Variants in STK33 observed in about 807,000 individuals in gnomAD.
STK33 encodes serine/threonine-protein kinase 33.
A neutral mutation model predicts 58.0 loss-of-function variants in STK33; 52 were observed. That is an observed-to-expected ratio of 0.90 (90% CI 0.72 to 1.13). The LOEUF is 1.13. STK33 is among the 50% of genes most tolerant of loss of function. STK33 has a pLI of 0.00. For synonymous variants in STK33, 215 were observed against 200.1 expected, an observed-to-expected ratio of 1.07 and a Z score of -0.63; for missense variants, 630 against 604.2, an observed-to-expected ratio of 1.04 and a Z score of -0.45.
At chr11:8,449,299 T>C (rs1215977797) in intron 11 of STK33, among the ~76,000 whole-genome samples, 1 of 151,514 alleles carries the variant, frequency 6.6e-6, no homozygotes, top group Non-Finnish European at 1.5e-5. Flanking sequence ...ACTCAAAGGA[T>C]TATAAATCAT....
At chr11:8,440,480 A>C (rs1944598652) in intron 12 of STK33, among the ~76,000 whole-genome samples, 198 bp downstream of exon 12, 1 of 152,250 alleles carries the variant, frequency 6.6e-6, no homozygotes, top group Non-Finnish European at 1.5e-5. Flanking sequence ...GCTGAAAGTT[A>C]TAAATTTACA....
Position 8,457,366 on chromosome 11 carries a change from T to C in STK33, c.672A>G (p.Ser224=), listed in dbSNP as rs760768637. The change falls in exon 9 of 16, where the codon TCA becomes TCG. Residue 224 remains serine (S), a synonymous_variant. Transcript: ENST00000687296. ...ETRWIIQSLA[S]AIAYLHNNDI... ...CATTATTGTGAAGATATGCTATAGC[T>C]GATGCGAGACTTTGAATGATCCACC... 1 of 1,604,510 alleles carries C rather than the reference T, an allele frequency of 6.2e-7. No individual in the cohort carries two copies. The highest frequency in any genetic ancestry group is 8.5e-7 in the Non-Finnish European group (1 of 1,173,192).
At chr11:8,424,383 T>C (rs1256656420) in intron 14 of STK33, among the ~76,000 whole-genome samples, 2 of 149,970 alleles carry the variant, frequency 1.3e-5, no homozygotes, top group Non-Finnish European at 3.0e-5. Context: ...TAATCCAGTC[T>C]ATCATTGTTG....
intron 1 of STK33, among the ~76,000 whole-genome samples, chr11:8,554,605 A>G (rs1173240884): frequency 2.0e-5 from 3 of 152,166 alleles, no homozygotes; most frequent in Non-Finnish European, 2.9e-5. Flanking sequence ...AAGATGAAAG[A>G]TAAGTGTTAG....
the STK33 span, among the ~76,000 whole-genome samples, chr11:8,380,211 T>G: frequency 6.6e-6 from 1 of 152,276 alleles, no homozygotes; most frequent in Non-Finnish European, 1.5e-5. Flanking sequence ...CCACACTGTT[T>G]TCCACAATGG....
At chr11:8,383,716 A>T in the STK33 span, among the ~76,000 whole-genome samples, 3 of 152,166 alleles carry the variant, frequency 2.0e-5, no homozygotes, top group Non-Finnish European at 4.4e-5. Flanking sequence ...ATGGCATTTC[A>T]TGTCATTCCA....
intron 14 of STK33, among the ~76,000 whole-genome samples, chr11:8,416,269 T>G (rs1188877818): frequency 6.6e-6 from 1 of 152,150 alleles, no homozygotes; most frequent in Non-Finnish European, 1.5e-5. Flanking sequence ...TGCCAAGGCA[T>G]AAAAAAGATG....
At chr11:8,424,761 G>A (rs1055618247) in intron 14 of STK33, among the ~76,000 whole-genome samples, 10 of 142,362 alleles carry the variant, frequency 7.0e-5, no homozygotes, top group African/African-American at 2.2e-4. Context: ...ATTTTTTCAC[G>A]TGTCTTTTGG....
intron 6 of STK33, among the ~76,000 whole-genome samples, chr11:8,472,274 G>C (rs1948850869): frequency 6.6e-6 from 1 of 152,218 alleles, no homozygotes; most frequent in African/African-American, 2.4e-5. Context: ...GTGTGTGTCA[G>C]AGTTTTTCAG....
chr11:8,564,807 A>G (rs996741846), intron 1 of STK33, among the ~76,000 whole-genome samples: 1 of 152,240 alleles, frequency 6.6e-6, no homozygotes, highest in Non-Finnish European at 1.5e-5. Context: ...AAAGTCCCAG[A>G]TTACAGGGGA....
At chr11:8,585,159 G>A (rs915293407) in intron 1 of STK33, among the ~76,000 whole-genome samples, 3 of 151,072 alleles carry the variant, frequency 2.0e-5, no homozygotes, top group Non-Finnish European at 2.9e-5. Context: ...CTGACTTCAG[G>A]TGATCCACCT....
chr11:8,448,412 AT>A (rs1334407993), intron 11 of STK33, among the ~76,000 whole-genome samples: 1 of 152,250 alleles, frequency 6.6e-6, no homozygotes, highest in African/African-American at 2.4e-5. Context: ...CCAAAACAGC[AT>A]GGTACTGGTC....
chr11:8,543,319 CATT>C (rs1012791576), intron 1 of STK33, among the ~76,000 whole-genome samples: 2 of 152,160 alleles, frequency 1.3e-5, no homozygotes, highest in African/African-American at 4.8e-5. Context: ...GGAATTAAAA[CATT>C]ATTATTTTAT....
At chr11:8,475,180 G>A (rs147651096) in intron 4 of STK33, 114 bp from the exon 5 acceptor site, 11 of 296,954 alleles carry the variant, frequency 3.7e-5, no homozygotes, top group South Asian at 1.5e-4. Context: ...ACATGAAAAG[G>A]ACAAAATAGG....
the STK33 span, among the ~76,000 whole-genome samples, chr11:8,382,667 G>C: frequency 6.6e-6 from 1 of 152,200 alleles, no homozygotes; most frequent in Non-Finnish European, 1.5e-5. Flanking sequence ...GACAGGTCCT[G>C]TGTGAGGTTG....
chr11:8,584,679 C>G (rs2031156902), intron 1 of STK33, among the ~76,000 whole-genome samples: 1 of 152,264 alleles, frequency 6.6e-6, no homozygotes, highest in African/African-American at 2.4e-5. Context: ...TCTCTCTCTA[C>G]TAGGTCTCAG....
the STK33 span, among the ~76,000 whole-genome samples, chr11:8,354,897 G>C: frequency 3.3e-5 from 5 of 152,216 alleles, no homozygotes; most frequent in Non-Finnish European, 7.3e-5. Context: ...GCCCAGCCTG[G>C]CAGGGCTGGG....
intron 1 of STK33, among the ~76,000 whole-genome samples, chr11:8,489,497 A>T (rs558585662): frequency 6.6e-6 from 1 of 152,304 alleles, no homozygotes; most frequent in African/African-American, 2.4e-5. Flanking sequence ...CACCTGGTGA[A>T]TATCATCTCA....
chr11:8,562,338 C>CCT (rs1209193531), intron 1 of STK33, among the ~76,000 whole-genome samples: 2 of 151,634 alleles, frequency 1.3e-5, no homozygotes, highest in Non-Finnish European at 2.9e-5. Context: ...GTCTCTCTCT[C>CCT]CTCTCTCTCT....
Sources: allele counts gnomAD v4.1 joint callset (sites outside exome capture counted in the v4.1 genomes callset), GRCh38; gene constraint gnomAD v4.1.1; transcripts MANE v1.5; gene names NCBI Gene and HGNC (gene_info 2026-07-23, HGNC 2026-07-21).